NCR1: variants seen among roughly 807,000 people sequenced by gnomAD.
NCR1 encodes the protein natural cytotoxicity triggering receptor 1.
Under a neutral mutation model 32.5 loss-of-function variants are expected in NCR1, and 30 were observed. The observed-to-expected ratio is 0.92, with a 90% CI of 0.69 to 1.25. NCR1 has a LOEUF of 1.25. Ranked by LOEUF, NCR1 falls within the 50% of genes most tolerant of loss-of-function variation. The pLI, the probability that NCR1 is intolerant of heterozygous loss-of-function variation, is 0.00. For missense variants in NCR1, 369 were observed against 380.7 expected (o/e 0.97, Z 0.26); for synonymous variants, 169 against 143.4 (o/e 1.18, Z -1.28).
At chr19:54,923,401 G>C in the NCR1 span, 50 of 387,694 alleles carry the variant, frequency 1.3e-4, no homozygotes, top group Admixed American at 4.4e-4. Context: ...AGAAATAGAA[G>C]AATCAACCGA....
the NCR1 span, among the ~76,000 whole-genome samples, chr19:54,922,987 TACACAC>T: frequency 6.7e-6 from 1 of 149,302 alleles, no homozygotes; most frequent in Non-Finnish European, 1.5e-5. Context: ...GAGAGACACA[TACACAC>T]ACACACAGAG....
downstream of NCR1, among the ~76,000 whole-genome samples, chr19:54,920,305 C>A (rs986502715): frequency 6.6e-6 from 1 of 152,132 alleles, no homozygotes; most frequent in East Asian, 1.9e-4. Context: ...TTGGTTGTCA[C>A]GAGTTGCAGT....
the NCR1 span, among the ~76,000 whole-genome samples, chr19:54,932,399 G>A: frequency 6.7e-6 from 1 of 149,650 alleles, no homozygotes; most frequent in Admixed American, 6.8e-5. Context: ...CTGCATTCCA[G>A]TCTGGGCGAC....
chr19:54,906,071 G>A (rs587632326), upstream of NCR1: 29 of 1,311,830 alleles, frequency 2.2e-5, 1 homozygote, highest in South Asian at 1.1e-4. Flanking sequence ...AGCAGTCAAC[G>A]TGAAAGCGCT....
chr19:54,907,338 A>T (rs1292021535), intron 3 of NCR1, among the ~76,000 whole-genome samples: 1 of 150,896 alleles, frequency 6.6e-6, no homozygotes, highest in African/African-American at 2.4e-5. Flanking sequence ...TTTAGTAGAG[A>T]TGGGGTTTCA....
chr19:54,907,186 G>A (rs1440360641), intron 3 of NCR1, among the ~76,000 whole-genome samples: 14 of 148,746 alleles, frequency 9.4e-5, no homozygotes, highest in Non-Finnish European at 1.5e-4. Context: ...ACGGAGTTTC[G>A]CTCTTGTCAC....
the NCR1 span, among the ~76,000 whole-genome samples, chr19:54,926,431 A>G: frequency 6.6e-6 from 1 of 152,184 alleles, no homozygotes; most frequent in South Asian, 2.1e-4. Flanking sequence ...CCCTACAAAG[A>G]GTACACACAC....
the NCR1 span, among the ~76,000 whole-genome samples, chr19:54,935,616 C>A: frequency 1.3e-5 from 2 of 151,544 alleles, no homozygotes; most frequent in Admixed American, 1.3e-4. Flanking sequence ...CTGCTTGAAC[C>A]CAGGAGGCGG....
chr19:54,917,341 C>A (rs940150742), downstream of NCR1, among the ~76,000 whole-genome samples: 1 of 151,014 alleles, frequency 6.6e-6, no homozygotes, highest in African/African-American at 2.4e-5. Context: ...AACAAAAAAA[C>A]TACAGTCTTG....
the NCR1 span, chr19:54,936,213 G>A: frequency 6.5e-7 from 1 of 1,538,342 alleles, no homozygotes; most frequent in Non-Finnish European, 9.0e-7. Context: ...CAGCAACACG[G>A]TGCAGTGGAC....
At chr19:54,903,673 A>G (rs2067377529), upstream of NCR1, among the ~76,000 whole-genome samples, 1 of 148,244 alleles carries the variant, frequency 6.7e-6, no homozygotes, top group South Asian at 2.1e-4. Flanking sequence ...GTATACATAT[A>G]TGTATAAATG....
the NCR1 span, chr19:54,934,439 C>G: frequency 1.9e-6 from 3 of 1,595,304 alleles, no homozygotes; most frequent in African/African-American, 2.7e-5. This position sits in a 1 kb window ranked among gnomAD's most constrained non-coding sequence, Gnocchi z 6.7. Flanking sequence ...CCTTTCTCTT[C>G]TATAGCCCCA....
In NCR1 at chr19:54,909,488, C is replaced by T. The variant is rs771001948; in HGVS notation, c.599C>T (p.Ser200Phe). 7.5e-6 allele frequency: 12 copies of T among 1,608,614 alleles called. No individual in the cohort carries two copies. The highest frequency in any genetic ancestry group is 1.0e-5 in the Non-Finnish European group (12 of 1,179,850). Reference sequence around the variant, plus strand: ...GGCTCCTATAACAACCATGCCTGGTCTTTCCCCAGTGAGCCAGTGAAGCTC... The same window carrying T: ...GGCTCCTATAACAACCATGCCTGGTTTTTCCCCAGTGAGCCAGTGAAGCTC... Reference protein sequence around the residue: ...CFGSYNNHAWSFPSEPVKLLV... With the variant: ...CFGSYNNHAWFFPSEPVKLLV... Residue 200 changes from serine (S) to phenylalanine (F), a missense_variant, in exon 4 of 7, where the codon TCT becomes TTT. Ser to Phe is a radical substitution (Grantham distance 155). Coordinates refer to ENST00000291890, the MANE Select transcript of NCR1 (RefSeq NM_004829.7).
rs746351301 is a variant in NCR1, at chr19:54,906,786, T to G, written c.334T>G (p.Leu112Val). The change falls in exon 3 of 7, where the codon TTG (leucine) becomes GTG (valine). Residue 112 changes from leucine to valine, a missense_variant. By Grantham distance (32) the Leu-to-Val change is conservative (BLOSUM62 1). Transcript: ENST00000291890. ...VGELWSEPSN[L>V]LDLVVTEMYD... ...GGAGCTCTGGTCAGAGCCCAGCAACTTGCTGGATCTGGTGGTAACAGGTAA... is the reference window on the plus strand; with the variant it reads ...GGAGCTCTGGTCAGAGCCCAGCAACGTGCTGGATCTGGTGGTAACAGGTAA... 2 of 1,614,138 alleles carry G rather than the reference T, an allele frequency of 1.2e-6. No homozygotes were observed. Among genetic ancestry groups the G allele is most frequent in the South Asian group, 2.2e-5 (2 of 91,084 alleles).
At chr19:54,921,053 G>GA (rs1203947653), downstream of NCR1, among the ~76,000 whole-genome samples, 1 of 152,098 alleles carries the variant, frequency 6.6e-6, no homozygotes, top group Non-Finnish European at 1.5e-5. Context: ...ATATTTAGGG[G>GA]AAAAAAACTT....
At chr19:54,898,948 G>T in the NCR1 span, among the ~76,000 whole-genome samples, 1 of 152,086 alleles carries the variant, frequency 6.6e-6, no homozygotes, top group African/African-American at 2.4e-5. Flanking sequence ...GGCTGAGGAA[G>T]AATTGGGACC....
Position 54,906,808 on chromosome 19 carries a change from G to GT in NCR1, c.355+2dup, listed in dbSNP as rs1166121925. ...AACTTGCTGGATCTGGTGGTAACAG[G>GT]TAACTGTCCGGTTCTCTAACTGGAG... On this transcript the variant is annotated splice_donor_variant, in intron 3 of 6. Coordinates refer to ENST00000291890, the MANE Select transcript of NCR1 (RefSeq NM_004829.7). LOFTEE classifies it high-confidence loss of function. The GT allele has an allele frequency of 6.2e-7, 1 of 1,613,858 alleles. No individual in the cohort carries two copies. Among genetic ancestry groups the GT allele is most frequent in the East Asian group, 2.2e-5 (1 of 44,850 alleles).
the NCR1 span, among the ~76,000 whole-genome samples, chr19:54,931,414 G>A: frequency 0.27 from 40,756 of 151,972 alleles, 5,653 homozygotes; most frequent in East Asian, 0.41. Context: ...AATTAGCTGG[G>A]CACGATGGCT....
intron 5 of NCR1, among the ~76,000 whole-genome samples, chr19:54,910,779 C>A (rs1435202250): frequency 6.6e-6 from 1 of 152,054 alleles, no homozygotes; most frequent in Non-Finnish European, 1.5e-5. Context: ...GTAGAACAGA[C>A]TTACAGTGAT....
Sources: allele counts gnomAD v4.1 joint callset (sites outside exome capture counted in the v4.1 genomes callset), GRCh38; gene constraint gnomAD v4.1.1; non-coding constraint Gnocchi (gnomAD v3.1); transcripts MANE v1.5; gene names NCBI Gene and HGNC (gene_info 2026-07-23, HGNC 2026-07-21).